Variants in PCDH9 observed in about 807,000 individuals in gnomAD.
The protein encoded by PCDH9 is protocadherin 9.
Under a neutral mutation model 70.6 loss-of-function variants are expected in PCDH9, and 24 were observed. The ratio of observed to expected loss-of-function variants is 0.34; its 90% CI spans 0.25 to 0.48. The LOEUF (loss-of-function observed/expected upper bound fraction) is 0.48, where lower values mean the gene tolerates loss of function less well. Among genes scored for constraint, PCDH9 ranks in the 20% least tolerant of loss-of-function variants. PCDH9 has a pLI of 0.99. For synonymous variants in PCDH9, 562 were observed against 558.5 expected (o/e 1.01, Z -0.09); for missense variants, 1,281 against 1,503.6 (o/e 0.85, Z 2.45).
intron 2 of PCDH9, among the ~76,000 whole-genome samples, chr13:66,956,881 G>T (rs1403761202): frequency 1.3e-5 from 2 of 152,166 alleles, no homozygotes; most frequent in Non-Finnish European, 2.9e-5. Context: ...AACATACCCA[G>T]GAATTATTTT....
intron 3 of PCDH9, among the ~76,000 whole-genome samples, chr13:66,900,819 ATCTT>A (rs1219422974): frequency 6.6e-5 from 10 of 151,716 alleles, no homozygotes; most frequent in Admixed American, 2.6e-4. Context: ...CAGAACAATC[ATCTT>A]TCTTGTTACT....
At chr13:66,555,244 C>A (rs1186747314) in intron 4 of PCDH9, among the ~76,000 whole-genome samples, 1 of 152,066 alleles carries the variant, frequency 6.6e-6, no homozygotes, top group Non-Finnish European at 1.5e-5. Context: ...GCATTGGAGA[C>A]AAAAGAGTCA....
rs143439670 is a variant in PCDH9, at chr13:66,856,138, A to G, written c.3138+47366T>C. Among the ~76,000 whole-genome samples, 34 of 152,130 alleles carry G rather than the reference A, an allele frequency of 2.2e-4. No individual in the cohort carries two copies. In the East Asian group the frequency reaches 5.4e-3, roughly 24 times the overall value. ...AATAATAAATGATTTACTAACTTCA[A>G]TAACGCATATAAATAGGAACCTTAA... On this transcript the variant is annotated intron_variant, in intron 3 of 4. Transcript: ENST00000377865.
rs561962602 is a variant in PCDH9 at position 66,825,463 on chromosome 13, T to G, written c.3138+78041A>C. Among the ~76,000 whole-genome samples, 4 of 146,682 alleles carry G rather than the reference T, an allele frequency of 2.7e-5. 1 individual carries two copies. The South Asian group carries it at 8.8e-4, about 32-fold the overall frequency. The stretch of plus-strand genomic sequence containing the variant: ...GCCATTCTCCTGCCTCAGCCTCCCG[T>G]GTAGCTGGGACTACAGGCGCGCGCC... On this transcript the variant is annotated intron_variant, in intron 3 of 4. Coordinates refer to ENST00000377865, the MANE Select transcript of PCDH9 (RefSeq NM_203487.3).
intron 2 of PCDH9, among the ~76,000 whole-genome samples, chr13:67,199,229 A>G (rs1005681933): frequency 6.6e-6 from 1 of 151,634 alleles, no homozygotes; most frequent in Non-Finnish European, 1.5e-5. Flanking sequence ...GTGAACATAT[A>G]CCATATACAA....
intron 2 of PCDH9, among the ~76,000 whole-genome samples, chr13:67,067,779 T>TG (rs1014641218): frequency 4.0e-4 from 49 of 123,628 alleles, no homozygotes; most frequent in African/African-American, 6.9e-4. Flanking sequence ...GGAATAGCGA[T>TG]GGGGGGGGCA....
intron 3 of PCDH9, among the ~76,000 whole-genome samples, chr13:66,696,596 C>T (rs2078565643): frequency 6.6e-6 from 1 of 152,092 alleles, no homozygotes; most frequent in African/African-American, 2.4e-5. Flanking sequence ...ACATAATTGA[C>T]TTTCTAACAG....
At chr13:67,018,658 C>T (rs1321931078) in intron 2 of PCDH9, among the ~76,000 whole-genome samples, 4 of 150,510 alleles carry the variant, frequency 2.7e-5, no homozygotes, top group Non-Finnish European at 4.4e-5. Flanking sequence ...CAAGGGATAG[C>T]CAATAATGAG....
chr13:66,749,606 A>T (rs1283695458), intron 3 of PCDH9, among the ~76,000 whole-genome samples: 1 of 152,164 alleles, frequency 6.6e-6, no homozygotes, highest in African/African-American at 2.4e-5. Flanking sequence ...TTTCTTTCCC[A>T]TTCCTACCAG....
chr13:66,544,792 G>T (rs936994181), intron 4 of PCDH9, among the ~76,000 whole-genome samples: 1 of 152,090 alleles, frequency 6.6e-6, no homozygotes, highest in East Asian at 1.9e-4. Flanking sequence ...TGAGATTGAT[G>T]CGGCCATCAA....
At chr13:66,873,813 T>C (rs1178711250) in intron 3 of PCDH9, among the ~76,000 whole-genome samples, 3 of 152,122 alleles carry the variant, frequency 2.0e-5, no homozygotes, top group African/African-American at 7.2e-5. Context: ...ATATGCGTCA[T>C]TGAAAATTTG....
chr13:66,719,050 G>A (rs2078907580), intron 3 of PCDH9, among the ~76,000 whole-genome samples: 1 of 152,068 alleles, frequency 6.6e-6, no homozygotes, highest in South Asian at 2.1e-4. Context: ...TAGTTAATAT[G>A]GGCTAATGTA....
intron 3 of PCDH9, among the ~76,000 whole-genome samples, chr13:66,821,068 T>C (rs1297106153): frequency 6.6e-6 from 1 of 152,202 alleles, no homozygotes; most frequent in Non-Finnish European, 1.5e-5. Context: ...AAGTTCTGAT[T>C]ATAGAGCAGA....
intron 2 of PCDH9, among the ~76,000 whole-genome samples, chr13:67,108,496 T>C (rs17516342): frequency 0.22 from 34,006 of 152,158 alleles, 4,071 homozygotes; most frequent in Admixed American, 0.29. Flanking sequence ...CAACTTGTTT[T>C]ATCCATTTCA....
chr13:66,942,566 A>G (rs1035613909), intron 2 of PCDH9, among the ~76,000 whole-genome samples: 3 of 152,054 alleles, frequency 2.0e-5, no homozygotes, highest in Non-Finnish European at 4.4e-5. Flanking sequence ...CAACAGTTTT[A>G]TCAAAGTTTT....
At chr13:66,866,411 G>T (rs1471735311) in intron 3 of PCDH9, among the ~76,000 whole-genome samples, 2 of 151,766 alleles carry the variant, frequency 1.3e-5, no homozygotes, top group African/African-American at 4.8e-5. Context: ...GAACCCGGGA[G>T]GCAGAGCTTG....
At chr13:66,550,558 A>AT (rs1431039415) in intron 4 of PCDH9, among the ~76,000 whole-genome samples, 1 of 152,150 alleles carries the variant, frequency 6.6e-6, no homozygotes, top group African/African-American at 2.4e-5. Flanking sequence ...TGCCAGGTTG[A>AT]TGGAGCTAAC....
At chr13:67,090,030 T>C (rs975027564) in intron 2 of PCDH9, among the ~76,000 whole-genome samples, 2 of 152,044 alleles carry the variant, frequency 1.3e-5, no homozygotes, top group African/African-American at 2.4e-5. Context: ...CTGTTGAGAC[T>C]TGTCATTCAA....
At chr13:66,649,018 C>A (rs1025251644) in intron 3 of PCDH9, among the ~76,000 whole-genome samples, 2 of 151,464 alleles carry the variant, frequency 1.3e-5, no homozygotes, top group African/African-American at 4.9e-5. Context: ...TCAGAAGAGA[C>A]AAAAAACGAA....
Sources: allele counts gnomAD v4.1 joint callset (sites outside exome capture counted in the v4.1 genomes callset), GRCh38; gene constraint gnomAD v4.1.1; transcripts MANE v1.5; gene names NCBI Gene and HGNC (gene_info 2026-07-23, HGNC 2026-07-21).